Variants in CDH12 observed in about 807,000 individuals in gnomAD.
The protein encoded by CDH12 is cadherin 12.
A neutral mutation model predicts 74.1 loss-of-function variants in CDH12; 41 were observed. The ratio of observed to expected loss-of-function variants is 0.55; its 90% confidence interval spans 0.43 to 0.72. The LOEUF (loss-of-function observed/expected upper bound fraction) is 0.72, where lower values mean the gene tolerates loss of function less well. Among genes scored for constraint, CDH12 ranks in the 30% least tolerant of loss-of-function variants. The pLI, the probability that CDH12 is intolerant of heterozygous loss-of-function variation, is 0.00. For synonymous variants in CDH12, 399 were observed against 355.0 expected (o/e 1.12, Z -1.39); for missense variants, 945 against 977.2 (o/e 0.97, Z 0.44).
At chr5:22,520,094 G>A (rs959307954) in intron 1 of CDH12, among the ~76,000 whole-genome samples, 3 of 152,002 alleles carry the variant, frequency 2.0e-5, no homozygotes, top group Non-Finnish European at 4.4e-5. Context: ...CAGAAACAAG[G>A]GTTTGTCTAC....
chr5:22,106,708 C>A lies in CDH12; in HGVS notation c.-186-27846G>T, dbSNP rs182448769. ...CCCTAGCTGGGAAAACGTCCAAGAACTCCTCATGCTTCAGAAAAGAATATC... is the reference window on the plus strand; with the variant it reads ...CCCTAGCTGGGAAAACGTCCAAGAAATCCTCATGCTTCAGAAAAGAATATC... On this transcript the variant is annotated intron_variant, in intron 4 of 14. Transcript: ENST00000382254. Among the ~76,000 whole-genome samples the A allele has an allele frequency of 5.8e-3, 878 of 152,308 alleles. 11 individuals are homozygous for A. Among genetic ancestry groups the A allele is most frequent in the Non-Finnish European group, 6.1e-3 (418 of 68,028 alleles).
intron 9 of CDH12, among the ~76,000 whole-genome samples, chr5:21,811,024 C>T (rs777162186): frequency 1.2e-4 from 18 of 151,944 alleles, no homozygotes; most frequent in African/African-American, 2.4e-4. Context: ...GCACCTTAGC[C>T]GATTTGTTAA....
At chr5:22,731,690 A>G (rs1744437134) in intron 1 of CDH12, among the ~76,000 whole-genome samples, 1 of 151,868 alleles carries the variant, frequency 6.6e-6, no homozygotes, top group Non-Finnish European at 1.5e-5. Flanking sequence ...GAAATGTTTA[A>G]TTCTTGGAAT....
intron 3 of CDH12, among the ~76,000 whole-genome samples, chr5:22,244,740 AAAAGAAAGAAAGAAAGAAAG>A (rs200900772): frequency 9.3e-4 from 86 of 92,628 alleles, no homozygotes; most frequent in African/African-American, 1.9e-3. Context: ...AGAAAGAAAG[AAAAGAAAGAAAGAAAGAAAG>A]AAAGAAAGAA....
At chr5:22,459,334 T>C (rs577798696) in intron 2 of CDH12, among the ~76,000 whole-genome samples, 220 of 152,276 alleles carry the variant, frequency 1.4e-3, no homozygotes, top group African/African-American at 4.9e-3. Context: ...ATTGCAGTTA[T>C]TATGTACCAT....
chr5:22,522,827 C>A (rs1337462956), intron 1 of CDH12, among the ~76,000 whole-genome samples: 1 of 152,148 alleles, frequency 6.6e-6, no homozygotes, highest in Non-Finnish European at 1.5e-5. Flanking sequence ...GTTTCTAATC[C>A]TCCACCTACA....
At chr5:22,670,414 A>G (rs977081602) in intron 1 of CDH12, among the ~76,000 whole-genome samples, 1 of 152,188 alleles carries the variant, frequency 6.6e-6, no homozygotes, top group African/African-American at 2.4e-5. Context: ...AGAGATAAGA[A>G]TAAAACAGAA....
intron 4 of CDH12, among the ~76,000 whole-genome samples, chr5:22,123,617 C>G (rs965300154): frequency 1.3e-5 from 2 of 152,130 alleles, no homozygotes; most frequent in Admixed American, 6.5e-5. Context: ...ATAAGGCATA[C>G]AGATGATTGA....
intron 2 of CDH12, among the ~76,000 whole-genome samples, chr5:22,473,808 T>G (rs1746060772): frequency 6.6e-6 from 1 of 152,100 alleles, no homozygotes; most frequent in African/African-American, 2.4e-5. Flanking sequence ...ATATATATAG[T>G]GTAATGGAAA....
chr5:22,300,352 T>C lies in CDH12; in HGVS notation c.-332-87709A>G, dbSNP rs182576663. The stretch of plus-strand genomic sequence containing the variant: ...GTGTAAAACTTCTAACTGGTTCTTC[T>C]TGATATATTTTTAAAAAGACTGTCT... On this transcript the variant is annotated intron_variant, in intron 3 of 14. Coordinates refer to ENST00000382254, the MANE Select transcript of CDH12 (RefSeq NM_004061.5). Among the ~76,000 whole-genome samples, 557 of 152,304 alleles carry C rather than the reference T, an allele frequency of 3.7e-3. 16 individuals are homozygous for C. Among genetic ancestry groups the C allele is most frequent in the Admixed American group, 0.032 (492 of 15,278 alleles).
At chr5:22,304,244 C>T (rs560420277) in intron 3 of CDH12, among the ~76,000 whole-genome samples, 2 of 152,174 alleles carry the variant, frequency 1.3e-5, no homozygotes, top group East Asian at 1.9e-4. Context: ...TAAACCAAGA[C>T]GCATGGTCAC....
intron 9 of CDH12, among the ~76,000 whole-genome samples, chr5:21,812,401 T>C (rs1317712493): frequency 6.6e-6 from 1 of 152,140 alleles, no homozygotes; most frequent in Non-Finnish European, 1.5e-5. Context: ...TTTAAGATCA[T>C]TCTGGATCTG....
intron 1 of CDH12, among the ~76,000 whole-genome samples, chr5:22,806,185 T>A (rs2126433022): frequency 6.6e-6 from 1 of 152,210 alleles, no homozygotes; most frequent in East Asian, 1.9e-4. Flanking sequence ...GTAATGGGAT[T>A]GCTGGGTCAA....
chr5:22,625,483 G>C (rs779480591), intron 1 of CDH12, among the ~76,000 whole-genome samples: 3 of 152,202 alleles, frequency 2.0e-5, no homozygotes, highest in Non-Finnish European at 4.4e-5. Context: ...GGCAGGGGAA[G>C]GATGCCAGCC....
At chr5:22,454,746 A>C (rs1745197068) in intron 2 of CDH12, among the ~76,000 whole-genome samples, 1 of 152,170 alleles carries the variant, frequency 6.6e-6, no homozygotes, top group South Asian at 2.1e-4. Flanking sequence ...AAGTGATTGG[A>C]TTACAGGCCT....
intron 1 of CDH12, among the ~76,000 whole-genome samples, chr5:22,778,154 A>G (rs1266320822): frequency 1.3e-5 from 2 of 152,154 alleles, no homozygotes; most frequent in Non-Finnish European, 1.5e-5. Context: ...TTAGAAAAAA[A>G]TTCACAGCTA....
chr5:22,610,057 C>G (rs1737319379), intron 1 of CDH12, among the ~76,000 whole-genome samples: 1 of 152,236 alleles, frequency 6.6e-6, no homozygotes, highest in African/African-American at 2.4e-5. Flanking sequence ...ACTGCAAACA[C>G]TCCCTATATA....
Position 22,100,931 on chromosome 5 carries a change from G to T in CDH12, c.-186-22069C>A, listed in dbSNP as rs149569164. Among the ~76,000 whole-genome samples the T allele has an allele frequency of 5.1e-3, 775 of 151,774 alleles. 5 individuals are homozygous for T. The highest frequency in any genetic ancestry group is 0.017 in the African/African-American group (716 of 41,402). On this transcript the variant is annotated intron_variant, in intron 4 of 14. Transcript: ENST00000382254. The stretch of plus-strand genomic sequence containing the variant: ...ATGAGTTATGTCCATTGTTTACCAA[G>T]GTATCAGCTGCCTTACATGAAATTT...
At chr5:22,567,204 T>C (rs977268985) in intron 1 of CDH12, among the ~76,000 whole-genome samples, 2 of 152,098 alleles carry the variant, frequency 1.3e-5, no homozygotes, top group African/African-American at 4.8e-5. Flanking sequence ...TTCACACCAT[T>C]ATCCCAAGGT....
Sources: allele counts gnomAD v4.1 joint callset (sites outside exome capture counted in the v4.1 genomes callset), GRCh38; gene constraint gnomAD v4.1.1; transcripts MANE v1.5; gene names NCBI Gene and HGNC (gene_info 2026-07-23, HGNC 2026-07-21).